Variants in LNX1 observed in about 807,000 individuals in gnomAD.
The protein encoded by LNX1 is ligand of numb-protein X 1.
LNX1 carries 54 observed loss-of-function variants against 68.4 expected under a neutral mutation model. The observed-to-expected ratio is 0.79, with a 90% CI of 0.63 to 0.99. The LOEUF is 0.99. Ranked by LOEUF, LNX1 falls within the 50% of genes least tolerant of loss-of-function variation. The pLI is 0.00. For missense variants in LNX1, 906 were observed against 926.4 expected (o/e 0.98, Z 0.29); for synonymous variants, 336 against 350.0 (o/e 0.96, Z 0.45).
intron 2 of LNX1, among the ~76,000 whole-genome samples, chr4:53,544,887 A>T (rs1728999834): frequency 6.6e-6 from 1 of 152,210 alleles, no homozygotes; most frequent in African/African-American, 2.4e-5. Flanking sequence ...CACAGCCAGC[A>T]ATTGGCAGGG....
chr4:53,604,563 C>G (rs151214373), intron 2 of LNX1, among the ~76,000 whole-genome samples: 270 of 152,324 alleles, frequency 1.8e-3, no homozygotes, highest in African/African-American at 6.3e-3. Context: ...GGTTGTGGTA[C>G]TGGCATTCAG....
chr4:53,565,077 G>A (rs1352285430), intron 2 of LNX1, among the ~76,000 whole-genome samples: 2 of 151,796 alleles, frequency 1.3e-5, no homozygotes, highest in East Asian at 1.9e-4. Context: ...GGGGAGGGGC[G>A]CCTACCATTG....
chr4:53,556,775 G>A (rs529722385), intron 2 of LNX1, among the ~76,000 whole-genome samples: 2 of 152,312 alleles, frequency 1.3e-5, no homozygotes, highest in African/African-American at 4.8e-5. Flanking sequence ...AGCATCTGCT[G>A]TGTTAGACAA....
At chr4:53,636,458 G>A (rs1297526895) in intron 1 of LNX1, among the ~76,000 whole-genome samples, 1 of 152,024 alleles carries the variant, frequency 6.6e-6, no homozygotes, top group Non-Finnish European at 1.5e-5. Context: ...GTCCCTCAGA[G>A]TAGAAAAAGG....
At chr4:53,465,550 C>T (rs987745382) in intron 9 of LNX1, among the ~76,000 whole-genome samples, 11 of 152,194 alleles carry the variant, frequency 7.2e-5, no homozygotes, top group African/African-American at 1.7e-4. Context: ...GAAAGTTTTA[C>T]AATCAATGCA....
chr4:53,516,292 A>G (rs1419164879), intron 2 of LNX1, among the ~76,000 whole-genome samples: 1 of 152,200 alleles, frequency 6.6e-6, no homozygotes, highest in African/African-American at 2.4e-5. Flanking sequence ...CCTGGAATAT[A>G]TAGTAACTCA....
chr4:53,647,259 A>G (rs1734920273), intron 1 of LNX1, among the ~76,000 whole-genome samples: 1 of 152,232 alleles, frequency 6.6e-6, no homozygotes, highest in Non-Finnish European at 1.5e-5. Flanking sequence ...GCAGTCCTAA[A>G]TGTTTTAGTA....
At chr4:53,499,741 A>G (rs1725344753) in intron 4 of LNX1, among the ~76,000 whole-genome samples, 1 of 152,184 alleles carries the variant, frequency 6.6e-6, no homozygotes, top group African/African-American at 2.4e-5. Context: ...GGGGAACATC[A>G]GTTCTTTCTA....
intron 2 of LNX1, chr4:53,557,781 A>T (rs1730018207): frequency 5.4e-6 from 8 of 1,475,016 alleles, no homozygotes; most frequent in Non-Finnish European, 7.5e-6. Context: ...TGTGGAATTT[A>T]AAATGGATAT....
At chr4:53,554,686 T>A (rs549785466) in intron 2 of LNX1, among the ~76,000 whole-genome samples, 57 of 152,208 alleles carry the variant, frequency 3.7e-4, no homozygotes, top group African/African-American at 1.3e-3. Flanking sequence ...ACCCCTTCTC[T>A]ACTAAAAATA....
intron 2 of LNX1, among the ~76,000 whole-genome samples, chr4:53,530,506 A>T (rs1359515606): frequency 1.3e-5 from 2 of 152,264 alleles, no homozygotes; most frequent in Non-Finnish European, 2.9e-5. Context: ...CATCCATTGC[A>T]TATAAAGATC....
chr4:53,614,385 TC>T lies in LNX1; in HGVS notation c.-215+2131del, dbSNP rs542139089. 1.4e-3 allele frequency among the ~76,000 whole-genome samples: 209 copies of T among 152,266 alleles called. 1 individual carries two copies. The highest frequency in any genetic ancestry group is 4.8e-3 in the African/African-American group (199 of 41,544). On this transcript the variant is annotated intron_variant, in intron 2 of 3. Transcript: ENST00000504299. ...ACAGCACTCAGAAAGCCTCCAAGAT[TC>T]TTCTGGAAATGGATATCCCTTTGGG...
intron 1 of LNX1, among the ~76,000 whole-genome samples, chr4:53,623,052 G>A (rs376024121): frequency 7.9e-5 from 12 of 152,210 alleles, no homozygotes; most frequent in Admixed American, 4.6e-4. Context: ...TTAGCTTGGG[G>A]CTGGAAGAGA....
chr4:53,579,279 C>A (rs2109793274), intron 1 of LNX1: 1 of 984,744 alleles, frequency 1.0e-6, no homozygotes, highest in South Asian at 4.7e-5. Context: ...CGGTGGAAAT[C>A]TTACACTTTT....
At chr4:53,505,098 G>A (rs569908438) in intron 4 of LNX1, among the ~76,000 whole-genome samples, 2 of 152,222 alleles carry the variant, frequency 1.3e-5, no homozygotes, top group South Asian at 2.1e-4. Flanking sequence ...AATGAGGTAT[G>A]CTTTTATTTT....
intron 9 of LNX1, among the ~76,000 whole-genome samples, chr4:53,469,167 GA>G (rs1165053164): frequency 3.3e-5 from 5 of 152,102 alleles, no homozygotes; most frequent in Admixed American, 3.3e-4. Context: ...AATCAAACTA[GA>G]ACTCAGGATT....
intron 2 of LNX1, among the ~76,000 whole-genome samples, chr4:53,551,574 A>G (rs1729520232): frequency 6.6e-6 from 1 of 151,720 alleles, no homozygotes; most frequent in African/African-American, 2.4e-5. Context: ...GCGCACGCTC[A>G]CCCCCCAAGT....
At chr4:53,508,349 G>C in intron 2 of LNX1, 122 bp from the exon 3 acceptor site, 31 of 1,215,366 alleles carry the variant, frequency 2.6e-5, no homozygotes, top group East Asian at 2.9e-5. Flanking sequence ...AATTTGATTT[G>C]CCTGCCGCTA....
intron 2 of LNX1, among the ~76,000 whole-genome samples, chr4:53,552,914 G>A (rs1236810531): frequency 6.6e-6 from 1 of 151,866 alleles, no homozygotes; most frequent in Non-Finnish European, 1.5e-5. Context: ...GACAATCCCA[G>A]TTATTCAAGT....
Sources: allele counts gnomAD v4.1 joint callset (sites outside exome capture counted in the v4.1 genomes callset), GRCh38; gene constraint gnomAD v4.1.1; transcripts MANE v1.5; gene names NCBI Gene and HGNC (gene_info 2026-07-23, HGNC 2026-07-21).